Variants in CMIP observed in about 807,000 individuals in gnomAD.
The protein encoded by CMIP is C-Maf-inducing protein.
A neutral mutation model predicts 97.3 loss-of-function variants in CMIP; 13 were observed. That is an observed-to-expected ratio of 0.13 (90% CI 0.09 to 0.21). The LOEUF (loss-of-function observed/expected upper bound fraction) is 0.21. CMIP is among the 10% of genes least tolerant of loss of function. The probability of loss-of-function intolerance (pLI) is 1.00; values close to 1 mark genes in which losing one functional copy is unlikely to be tolerated. For missense variants in CMIP, 847 were observed against 1,024.9 expected (o/e 0.83, Z 2.37); for synonymous variants, 538 against 436.3 (o/e 1.23, Z -2.91).
intron 1 of CMIP, among the ~76,000 whole-genome samples, chr16:81,466,185 C>T (rs563789266): frequency 6.6e-6 from 1 of 152,150 alleles, no homozygotes; most frequent in Non-Finnish European, 1.5e-5. Context: ...CTCAGCCTCT[C>T]GAGTAGCTGG....
chr16:81,524,911 A>G (rs889923661), intron 1 of CMIP, among the ~76,000 whole-genome samples: 2 of 150,814 alleles, frequency 1.3e-5, no homozygotes, highest in African/African-American at 4.9e-5. Flanking sequence ...CTCCTGCCTC[A>G]GCCTCCTCTT....
intron 1 of CMIP, among the ~76,000 whole-genome samples, chr16:81,569,140 A>G (rs753591862): frequency 1.8e-4 from 27 of 152,166 alleles, no homozygotes; most frequent in Non-Finnish European, 3.8e-4. Flanking sequence ...CCTCCTCTAA[A>G]TTGGATGCTC....
intron 9 of CMIP, among the ~76,000 whole-genome samples, chr16:81,672,774 T>G (rs1191222523): frequency 2.6e-5 from 4 of 152,162 alleles, no homozygotes; most frequent in African/African-American, 9.7e-5. Flanking sequence ...GACAGGATCT[T>G]GCTGTGTTAC....
At chr16:81,482,065 G>A (rs1376336416) in intron 1 of CMIP, among the ~76,000 whole-genome samples, 3 of 152,078 alleles carry the variant, frequency 2.0e-5, no homozygotes, top group Non-Finnish European at 4.4e-5. Context: ...TTTTAGCAGA[G>A]ACAGCGTTTC....
chr16:81,511,009 A>T (rs2089800328), intron 1 of CMIP, among the ~76,000 whole-genome samples: 1 of 152,154 alleles, frequency 6.6e-6, no homozygotes. Flanking sequence ...CTTGGGCCAC[A>T]GCTGCCAGCC....
intron 3 of CMIP, among the ~76,000 whole-genome samples, chr16:81,642,358 C>T (rs1160828221): frequency 1.3e-5 from 2 of 152,122 alleles, no homozygotes; most frequent in African/African-American, 4.8e-5. Flanking sequence ...GTAGGCGTCC[C>T]TCCACCCACC....
chr16:81,614,008 A>G lies in CMIP; in HGVS notation c.426+6316A>G, dbSNP rs1189343300. ...GCCCATAGCCTGCAGAAGAAGGACA[A>G]CTAGACAGGCGATTCCAGGACAGTG... On this transcript the variant is annotated intron_variant, in intron 2 of 20. Transcript: ENST00000537098. The surrounding 1 kb of genome is among the most constrained non-coding windows in gnomAD (Gnocchi z 5.3). Among the ~76,000 whole-genome samples the G allele has an allele frequency of 1.3e-5, 2 of 152,218 alleles. No individual in the cohort carries two copies. Among genetic ancestry groups the G allele is most frequent in the East Asian group, 1.9e-4 (1 of 5,192 alleles).
At chr16:81,653,544 G>A (rs189346808) in intron 4 of CMIP, among the ~76,000 whole-genome samples, 5 of 152,372 alleles carry the variant, frequency 3.3e-5, no homozygotes, top group Non-Finnish European at 4.4e-5. Context: ...GAATCACAGA[G>A]TGGCTGGAAT....
At chr16:81,596,922 C>T (rs2091566945) in intron 1 of CMIP, among the ~76,000 whole-genome samples, 1 of 152,222 alleles carries the variant, frequency 6.6e-6, no homozygotes, top group Non-Finnish European at 1.5e-5. Context: ...TGACATGCTT[C>T]TGTCCAGTTG....
intron 1 of CMIP, among the ~76,000 whole-genome samples, chr16:81,601,945 T>C (rs891480812): frequency 6.6e-6 from 1 of 152,194 alleles, no homozygotes; most frequent in Non-Finnish European, 1.5e-5. Context: ...CCCTTTAATA[T>C]CCATTTAATG....
chr16:81,667,793 A>AGTGTGTGT lies in CMIP; in HGVS notation c.826-2348_826-2347insTGTGTGTG, dbSNP rs1293557141. Among the ~76,000 whole-genome samples the AGTGTGTGT allele has an allele frequency of 6.8e-4, 61 of 89,544 alleles. No homozygotes were observed. The East Asian group carries it at 0.012, about 18-fold the overall frequency. 58.7% of individuals were successfully genotyped at this position (89,544 alleles called of 152,430 possible). On this transcript the variant is annotated intron_variant, in intron 7 of 20. Coordinates refer to ENST00000537098, the MANE Select transcript of CMIP (RefSeq NM_198390.3). ...GAGAGAGAGAGAGAGAGAGAGAGAG[A>AGTGTGTGT]GAGAGAGTGTGTGTGTGTGTGTGTG... is the stretch of plus-strand genomic sequence containing the variant.
chr16:81,561,046 C>T (rs942660935), intron 1 of CMIP, among the ~76,000 whole-genome samples: 2 of 152,186 alleles, frequency 1.3e-5, no homozygotes, highest in Non-Finnish European at 2.9e-5. Flanking sequence ...TCTTCACCTC[C>T]TGGGTTCAAG....
chr16:81,589,992 G>A (rs1370722252), intron 1 of CMIP, among the ~76,000 whole-genome samples: 9 of 152,190 alleles, frequency 5.9e-5, no homozygotes, highest in Admixed American at 3.9e-4. Flanking sequence ...GGGGCAGGGG[G>A]TGACAGCAGG....
At position 81,629,999 on chromosome 16, in the gene CMIP, T is replaced by C. The variant is rs532407129; in HGVS notation, c.477+9073T>C. 2.3e-4 allele frequency among the ~76,000 whole-genome samples: 35 copies of C among 152,340 alleles called. 1 individual carries two copies. Among genetic ancestry groups the C allele is most frequent in the African/African-American group, 8.4e-4 (35 of 41,568 alleles). ...TTTTTAGGTGGCTCTCACCACCTATTACCTATTTGCTCCCAAAATAATACT... is the reference window on the plus strand; with the variant it reads ...TTTTTAGGTGGCTCTCACCACCTATCACCTATTTGCTCCCAAAATAATACT... On this transcript the variant is annotated intron_variant, in intron 3 of 20. Coordinates refer to ENST00000537098, the MANE Select transcript of CMIP (RefSeq NM_198390.3).
At chr16:81,691,741 A>G (rs1906100916) in intron 10 of CMIP, 34 bp from the exon 11 acceptor site, 2 of 1,602,502 alleles carry the variant, frequency 1.2e-6, no homozygotes, top group Non-Finnish European at 1.7e-6. Flanking sequence ...TCCTTGTCCC[A>G]ACCAAAGCTG....
intron 1 of CMIP, among the ~76,000 whole-genome samples, chr16:81,536,136 CCCTGTAAAA>C (rs2090338377): frequency 6.6e-6 from 1 of 152,180 alleles, no homozygotes; most frequent in South Asian, 2.1e-4. Flanking sequence ...AGATTAATTT[CCCTGTAAAA>C]CCTTTGAAAT....
intron 1 of CMIP, among the ~76,000 whole-genome samples, chr16:81,580,952 C>A (rs9939507): frequency 1.4e-5 from 2 of 140,672 alleles, no homozygotes; most frequent in African/African-American, 6.1e-5. Flanking sequence ...TCTTCCAGCC[C>A]CCTGACAGCC....
chr16:81,449,361 T>C (rs1310761644), intron 1 of CMIP, among the ~76,000 whole-genome samples: 3 of 152,244 alleles, frequency 2.0e-5, no homozygotes, highest in Non-Finnish European at 4.4e-5. Flanking sequence ...AGAAGCCACC[T>C]TCATTCTCAT....
intron 1 of CMIP, among the ~76,000 whole-genome samples, chr16:81,575,436 G>A (rs750191806): frequency 2.0e-5 from 3 of 152,168 alleles, no homozygotes; most frequent in Non-Finnish European, 4.4e-5. Flanking sequence ...GGTGACACAT[G>A]GCTACAGGGA....
Sources: gnomAD v4.1 joint callset for allele counts (sites outside exome capture counted in the v4.1 genomes callset) on GRCh38, gnomAD v4.1.1 for gene constraint, Gnocchi (gnomAD v3.1) non-coding constraint, MANE v1.5 for transcripts, NCBI Gene and HGNC (gene_info 2026-07-23, HGNC 2026-07-21) for gene names.